Variants in EPHB6 observed in about 807,000 individuals in gnomAD.
EPHB6 encodes EPH receptor B6, also known as ephrin type-B receptor 6.
EPHB6 carries 51 observed loss-of-function variants against 107.0 expected under a neutral mutation model. That is an observed-to-expected ratio of 0.48 (90% CI 0.38 to 0.60). The LOEUF is 0.60. Ranked by LOEUF, EPHB6 falls within the 20% of genes least tolerant of loss-of-function variation. The pLI is 0.00. For synonymous variants in EPHB6, 553 were observed against 549.0 expected, an observed-to-expected ratio of 1.01 and a Z score of -0.10; for missense variants, 1,141 against 1,355.5, an observed-to-expected ratio of 0.84 and a Z score of 2.48.
chr7:142,864,429 T>A lies in EPHB6; in HGVS notation c.629T>A (p.Phe210Tyr). 1.2e-6 allele frequency: 2 copies of A among 1,612,146 alleles called. No individual in the cohort carries two copies. The highest frequency in any genetic ancestry group is 1.7e-6 in the Non-Finnish European group (2 of 1,179,154). ...RSFGPLTQRG[F>Y]YVAFQDTGAC... ...TTTGGGCCTCTCACCCAACGCGGCT[T>A]CTACGTGGCCTTCCAGGACACGGGG... is the stretch of plus-strand genomic sequence containing the variant. Residue 210 changes from phenylalanine to tyrosine, a missense_variant, in exon 7 of 20, where the codon TTC (phenylalanine) becomes TAC (tyrosine). This residue lies in a region of EPHB6 where 221 missense variants were observed against 300.5 expected (regional missense o/e 0.74). Coordinates refer to ENST00000652003, the MANE Select transcript of EPHB6 (RefSeq NM_004445.6).
At position 142,863,264 on chromosome 7, in the gene EPHB6, G is replaced by A; in HGVS notation, c.37G>A (p.Val13Met). 2 of 1,612,958 alleles carry A rather than the reference G, an allele frequency of 1.2e-6. No individual in the cohort carries two copies. The highest frequency in any genetic ancestry group is 1.7e-6 in the Non-Finnish European group (2 of 1,179,442). The change falls in exon 5 of 20, where the codon GTG becomes ATG. Residue 13 changes from valine (V) to methionine (M), a missense_variant. This residue lies in a region of EPHB6 where 221 missense variants were observed against 300.5 expected (regional missense o/e 0.74). Coordinates refer to ENST00000652003, the MANE Select transcript of EPHB6 (RefSeq NM_004445.6). ...AGGGGCTGCCCAGTTAGGGAACAGAGTGGCGGGCATGGTGTGTAGCCTATG... is the reference window on the plus strand; with the variant it reads ...AGGGGCTGCCCAGTTAGGGAACAGAATGGCGGGCATGGTGTGTAGCCTATG... Reference protein sequence around the residue: ...TEGAAQLGNRVAGMVCSLWVL... With the variant: ...TEGAAQLGNRMAGMVCSLWVL...
In EPHB6 at chr7:142,866,122, G is replaced by T; in HGVS notation, c.1268G>T (p.Gly423Val). The T allele has an allele frequency of 2.5e-6, 4 of 1,613,486 alleles. No homozygotes were observed. Among genetic ancestry groups the T allele is most frequent in the East Asian group, 2.2e-5 (1 of 44,864 alleles). ...GRQEPASGGG[G>V]TCHRCRDEVH... ...CAGGAACCTGCCAGCGGTGGTGGGG[G>T]CACTTGTCACCGCTGCAGGGATGAG... The change falls in exon 9 of 20, where the codon GGC becomes GTC. Residue 423 changes from glycine to valine, a missense_variant. Transcript: ENST00000652003. This position sits in a 1 kb window ranked among gnomAD's most constrained non-coding sequence, Gnocchi z 5.2.
rs1475691494 is a variant in EPHB6 at position 142,870,967 on chromosome 7, G to A, written c.*63G>A. 2 of 1,507,630 alleles carry A rather than the reference G, an allele frequency of 1.3e-6. No homozygotes were observed. The highest frequency in any genetic ancestry group is 1.8e-6 in the Non-Finnish European group (2 of 1,109,516). The allele number at this position is 1,507,630 out of a possible 1,614,324, so 93.4% of individuals were successfully genotyped here. A position where few individuals can be genotyped will look rare whatever the true frequency, so the allele number is the denominator to read the frequency against. ...CCGAGAAGGGACATGTGGGACGTGA[G>A]CCGGGCTCCAACAGCCTCTGTGAGA... On this transcript the variant is annotated 3_prime_UTR_variant, in exon 20 of 20. Coordinates refer to ENST00000652003, the MANE Select transcript of EPHB6 (RefSeq NM_004445.6).
chr7:142,855,394 G>C lies in EPHB6; in HGVS notation c.-432+9G>C, dbSNP rs1226742929. The C allele has an allele frequency of 6.6e-6, 1 of 152,400 alleles. No homozygotes were observed. Among genetic ancestry groups the C allele is most frequent in the Non-Finnish European group, 1.5e-5 (1 of 68,204 alleles). 9.4% of individuals were successfully genotyped at this position (152,400 alleles called of 1,614,324 possible). On this transcript the variant is annotated intron_variant, in intron 1 of 19. Coordinates refer to ENST00000652003, the MANE Select transcript of EPHB6 (RefSeq NM_004445.6). This position sits in a 1 kb window ranked among gnomAD's most constrained non-coding sequence, Gnocchi z 4.2. ...CTGCGGCCAACGGGAAGGTGAGCCCGCGGGGTTAGCAGGCGGCGTTGTGGG... is the reference window on the plus strand; with the variant it reads ...CTGCGGCCAACGGGAAGGTGAGCCCCCGGGGTTAGCAGGCGGCGTTGTGGG...
rs1469701694 is a variant in EPHB6 at position 142,869,565 on chromosome 7, T to TA, written c.2461-251dup. On this transcript the variant is annotated intron_variant, in intron 16 of 19. Coordinates refer to ENST00000652003, the MANE Select transcript of EPHB6 (RefSeq NM_004445.6). This position sits in a 1 kb window ranked among gnomAD's most constrained non-coding sequence, Gnocchi z 4.5. ...AATATCATCCACCTTGGAGGGTTGT[T>TA]ATGAGGATTAAATGAGATGCTTGAT... Among the ~76,000 whole-genome samples the TA allele has an allele frequency of 6.6e-6, 1 of 152,178 alleles. No homozygotes were observed. Among genetic ancestry groups the TA allele is most frequent in the Non-Finnish European group, 1.5e-5 (1 of 68,042 alleles).
intron 1 of EPHB6, among the ~76,000 whole-genome samples, chr7:142,860,764 C>G (rs1046911912): frequency 4.6e-5 from 7 of 152,152 alleles, no homozygotes; most frequent in African/African-American, 7.2e-5. Flanking sequence ...TCTACATCAG[C>G]CCACGCGTAT....
At chr7:142,863,888 A>G (rs1197215742) in intron 6 of EPHB6, 78 bp from the exon 7 acceptor site, 4 of 1,572,794 alleles carry the variant, frequency 2.5e-6, no homozygotes, top group Non-Finnish European at 3.5e-6. Flanking sequence ...TGGAAGAGAT[A>G]TGTCCCCTTC....
chr7:142,858,602 A>ATTTTTT (rs58084930), intron 1 of EPHB6, among the ~76,000 whole-genome samples: 5 of 130,070 alleles, frequency 3.8e-5, no homozygotes, highest in African/African-American at 1.1e-4. Flanking sequence ...CGCCCAGCTA[A>ATTTTTT]TTTTTTTTTT....
At position 142,867,357 on chromosome 7, in the gene EPHB6, GTGT is replaced by G. The variant is rs1302975338; in HGVS notation, c.1751-247_1751-245del. 3.2e-6 allele frequency: 2 copies of G among 634,638 alleles called. No individual in the cohort carries two copies. Among genetic ancestry groups the G allele is most frequent in the African/African-American group, 3.6e-5 (2 of 55,104 alleles). The allele number at this position is 634,638 out of a possible 1,614,324, so 39.3% of individuals were successfully genotyped here. A position where few individuals can be genotyped will look rare whatever the true frequency, so the allele number is the denominator to read the frequency against. ...GTGGGAGGGCTGTGGGCGTGTGTGT[GTGT>G]TGTGTGTCCCTGTGTGTGGATGTGG... On this transcript the variant is annotated intron_variant, in intron 11 of 19. Transcript: ENST00000652003. The surrounding 1 kb of genome is among the most constrained non-coding windows in gnomAD (Gnocchi z 5.3).
chr7:142,870,187 T>C lies in EPHB6; in HGVS notation c.2611-27T>C, dbSNP rs765674254. On this transcript the variant is annotated intron_variant, in intron 17 of 19. Transcript: ENST00000652003. Reference sequence around the variant, plus strand: ...TCCCCTCTACTAACAAAACTTCCCATCGTCATAGTCTTCCTCTGACCCCCA... The same window carrying C: ...TCCCCTCTACTAACAAAACTTCCCACCGTCATAGTCTTCCTCTGACCCCCA... The C allele has an allele frequency of 3.0e-5, 48 of 1,613,896 alleles. No homozygotes were observed. The East Asian group carries it at 9.8e-4, about 33-fold the overall frequency.
Position 142,867,996 on chromosome 7 carries a change from G to T in EPHB6, c.1866-1G>T. On this transcript the variant is annotated splice_acceptor_variant, in intron 12 of 19. Transcript: ENST00000652003. LOFTEE classifies it high-confidence loss of function. This position sits in a 1 kb window ranked among gnomAD's most constrained non-coding sequence, Gnocchi z 5.3. Reference sequence around the variant, plus strand: ...TCCCCAGTCACCGTTTTGTTCCTCAGGAAGCGGCGTGGGACTGGCTACACA... The same window carrying T: ...TCCCCAGTCACCGTTTTGTTCCTCATGAAGCGGCGTGGGACTGGCTACACA... 6.4e-7 allele frequency: 1 copy of T among 1,574,598 alleles called. No individual in the cohort carries two copies.
chr7:142,859,188 G>A (rs917360042), intron 1 of EPHB6, among the ~76,000 whole-genome samples: 3 of 152,224 alleles, frequency 2.0e-5, no homozygotes, highest in Non-Finnish European at 4.4e-5. Flanking sequence ...CAAGCAGGCT[G>A]TGAGAGAGGA....
rs1306759617 is a variant in EPHB6 at position 142,869,341 on chromosome 7, A to G, written c.2460+194A>G. ...GGGGTTTGAGGGATTTCAGGGACCG[A>G]GACAAAGGGGATGAGGGAGGGGAGG... On this transcript the variant is annotated intron_variant, in intron 16 of 19. Coordinates refer to ENST00000652003, the MANE Select transcript of EPHB6 (RefSeq NM_004445.6). This position sits in a 1 kb window ranked among gnomAD's most constrained non-coding sequence, Gnocchi z 4.5. Among the ~76,000 whole-genome samples the G allele has an allele frequency of 1.3e-5, 2 of 152,116 alleles. No individual in the cohort carries two copies. Among genetic ancestry groups the G allele is most frequent in the African/African-American group, 4.8e-5 (2 of 41,418 alleles).
chr7:142,866,477 C>G lies in EPHB6; in HGVS notation c.1463-4C>G. ...CCCATAATAATTTTCCTTTTGCACT[C>G]TAGTGCCCTCTGCTGTCCCTGTGGT... On this transcript the variant is annotated splice_region_variant and splice_polypyrimidine_tract_variant and intron_variant, in intron 9 of 19. Coordinates refer to ENST00000652003, the MANE Select transcript of EPHB6 (RefSeq NM_004445.6). The surrounding 1 kb of genome is among the most constrained non-coding windows in gnomAD (Gnocchi z 5.2). The G allele has an allele frequency of 6.2e-7, 1 of 1,614,130 alleles. No homozygotes were observed. Among genetic ancestry groups the G allele is most frequent in the East Asian group, 2.2e-5 (1 of 44,882 alleles).
In EPHB6 at chr7:142,866,367, C is replaced by A. The variant is rs776833609; in HGVS notation, c.1462+51C>A. 8.1e-6 allele frequency: 13 copies of A among 1,611,478 alleles called. No homozygotes were observed. The highest frequency in any genetic ancestry group is 1.1e-5 in the Non-Finnish European group (13 of 1,178,818). On this transcript the variant is annotated intron_variant, in intron 9 of 19. Coordinates refer to ENST00000652003, the MANE Select transcript of EPHB6 (RefSeq NM_004445.6). The surrounding 1 kb of genome is among the most constrained non-coding windows in gnomAD (Gnocchi z 5.2). ...GATCCCCTGCCTCCGCTCCTTTGAG[C>A]CCCCTTCCCTACTCCTGATCTCCAG...
rs2116455162 is a variant in EPHB6, at chr7:142,867,027, G to A, written c.1709G>A (p.Gly570Asp). The change falls in exon 11 of 20, where the codon GGC becomes GAC. Residue 570 changes from glycine to aspartate, a missense_variant. Coordinates refer to ENST00000652003, the MANE Select transcript of EPHB6 (RefSeq NM_004445.6). This position sits in a 1 kb window ranked among gnomAD's most constrained non-coding sequence, Gnocchi z 5.3. ...QVRARTAAGH[G>D]PYGGKVYFQT... ...CGGGCCCGGACTGCTGCCGGCCACG[G>A]CCCCTACGGGGGCAAAGTCTATTTC... The A allele has an allele frequency of 6.2e-7, 1 of 1,614,010 alleles. No individual in the cohort carries two copies. Among genetic ancestry groups the A allele is most frequent in the Non-Finnish European group, 8.5e-7 (1 of 1,179,992 alleles).
At chr7:142,865,767 C>T in intron 8 of EPHB6, 137 bp downstream of exon 8, 1 of 1,271,066 alleles carries the variant, frequency 7.9e-7, no homozygotes, top group Non-Finnish European at 1.1e-6. Context: ...CCTCCCCTCC[C>T]TGTCCCCACC....
At chr7:142,865,842 C>T in intron 8 of EPHB6, 118 bp from the exon 9 acceptor site, 6 of 1,216,378 alleles carry the variant, frequency 4.9e-6, no homozygotes, top group Non-Finnish European at 7.1e-6. Context: ...ACCCCCACCC[C>T]ACGCTCTTCT....
At chr7:142,857,256 T>C (rs1031890636) in intron 1 of EPHB6, among the ~76,000 whole-genome samples, 1 of 152,184 alleles carries the variant, frequency 6.6e-6, no homozygotes. Flanking sequence ...GACACAGGAC[T>C]GTCCTCTGCT....
Sources: gnomAD v4.1 joint callset for allele counts (sites outside exome capture counted in the v4.1 genomes callset) on GRCh38, gnomAD v4.1.1 for gene constraint, gnomAD v4.1.1 regional missense constraint, Gnocchi (gnomAD v3.1) non-coding constraint, MANE v1.5 for transcripts, NCBI Gene and HGNC (gene_info 2026-07-23, HGNC 2026-07-21) for gene names.